NELL1: variants seen among roughly 807,000 people sequenced by gnomAD.
The protein encoded by NELL1 is protein kinase C-binding protein NELL1.
In NELL1, 76 loss-of-function variants were observed where a neutral mutation model predicts 107.4. The observed-to-expected ratio is 0.71, with a 90% CI of 0.59 to 0.86. The LOEUF (loss-of-function observed/expected upper bound fraction) is 0.86, where lower values mean the gene tolerates loss of function less well. Among genes scored for constraint, NELL1 ranks in the 40% least tolerant of loss-of-function variants. NELL1 has a pLI of 0.00. For synonymous variants in NELL1, 353 were observed against 341.2 expected, an observed-to-expected ratio of 1.03 and a Z score of -0.38; for missense variants, 1,024 against 1,005.5, an observed-to-expected ratio of 1.02 and a Z score of -0.25.
intron 9 of NELL1, among the ~76,000 whole-genome samples, chr11:20,931,877 G>A (rs1850625548): frequency 1.4e-5 from 2 of 143,480 alleles, no homozygotes; most frequent in African/African-American, 5.0e-5. Flanking sequence ...GACTTTAGGT[G>A]GGGTAGTATT....
At chr11:21,492,568 A>G (rs1257126652) in intron 15 of NELL1, among the ~76,000 whole-genome samples, 1 of 151,992 alleles carries the variant, frequency 6.6e-6, no homozygotes, top group Non-Finnish European at 1.5e-5. Context: ...ATGCAGCCAT[A>G]AAAAAGATGA....
At chr11:20,999,290 G>C (rs985726428) in intron 12 of NELL1, among the ~76,000 whole-genome samples, 2 of 152,060 alleles carry the variant, frequency 1.3e-5, no homozygotes, top group African/African-American at 4.8e-5. Context: ...TCTAAGATTT[G>C]GGACTCCATT....
chr11:21,417,074 C>T (rs1344405437), intron 15 of NELL1, among the ~76,000 whole-genome samples: 2 of 151,938 alleles, frequency 1.3e-5, no homozygotes, highest in Admixed American at 6.6e-5. Flanking sequence ...CTTCATGCAC[C>T]TAAACAGTAT....
At chr11:21,552,092 A>T (rs1477075592) in intron 16 of NELL1, among the ~76,000 whole-genome samples, 1 of 137,158 alleles carries the variant, frequency 7.3e-6, no homozygotes, top group African/African-American at 2.7e-5. Flanking sequence ...AACAATGAGA[A>T]CACATGGACA....
rs185334882 is a variant in NELL1 at position 20,724,819 on chromosome 11, T to C, written c.184+46759T>C. Among the ~76,000 whole-genome samples the C allele has an allele frequency of 5.8e-4, 89 of 152,320 alleles. No homozygotes were observed. In the East Asian group the frequency reaches 0.015, roughly 25 times the overall value. ...CCCCACTCTGCCGGTACCAATTATA[T>C]GTATTAGTCCATTCTTACACTGTTA... On this transcript the variant is annotated intron_variant, in intron 2 of 19. Coordinates refer to ENST00000357134, the MANE Select transcript of NELL1 (RefSeq NM_006157.5).
At chr11:20,985,785 A>G (rs562601255) in intron 12 of NELL1, among the ~76,000 whole-genome samples, 1 of 152,218 alleles carries the variant, frequency 6.6e-6, no homozygotes, top group Non-Finnish European at 1.5e-5. Context: ...CACAAGTCTT[A>G]TATAATTAGT....
At chr11:21,560,439 T>G (rs568831941) in intron 17 of NELL1, 57 bp downstream of exon 17, 2 of 1,456,978 alleles carry the variant, frequency 1.4e-6, no homozygotes, top group Admixed American at 5.0e-5. Context: ...CTTCCCTCAC[T>G]TTTCTACCTC....
At chr11:21,022,770 C>T (rs527939521) in intron 12 of NELL1, among the ~76,000 whole-genome samples, 3 of 152,174 alleles carry the variant, frequency 2.0e-5, no homozygotes, top group African/African-American at 7.2e-5. Flanking sequence ...AGATAATAAA[C>T]TGAACACAAA....
intron 4 of NELL1, among the ~76,000 whole-genome samples, chr11:20,877,072 GGTC>G (rs1488682034): frequency 1.3e-5 from 2 of 152,144 alleles, no homozygotes; most frequent in African/African-American, 4.8e-5. Context: ...TCATGTGCAA[GGTC>G]ACCCATTACC....
intron 19 of NELL1, among the ~76,000 whole-genome samples, chr11:21,574,605 G>A (rs1422911152): frequency 2.0e-5 from 3 of 151,746 alleles, no homozygotes; most frequent in Non-Finnish European, 4.4e-5. Context: ...CTTCTTAAAT[G>A]ACAAATTGCT....
chr11:21,392,861 A>G (rs552224327), intron 15 of NELL1, among the ~76,000 whole-genome samples: 37 of 151,912 alleles, frequency 2.4e-4, no homozygotes, highest in African/African-American at 7.5e-4. Context: ...GAAGTAGAGT[A>G]TTTATCTAAT....
chr11:21,334,034 C>G (rs755631981), intron 14 of NELL1, among the ~76,000 whole-genome samples: 1 of 152,020 alleles, frequency 6.6e-6, no homozygotes, highest in East Asian at 1.9e-4. Flanking sequence ...GGAGTTCATT[C>G]ATTTATTAAT....
chr11:21,357,119 C>A (rs371374215), intron 14 of NELL1, among the ~76,000 whole-genome samples: 5 of 152,220 alleles, frequency 3.3e-5, no homozygotes, highest in African/African-American at 4.8e-5. Flanking sequence ...AACATGTGTG[C>A]GCAGGTGTCT....
chr11:21,336,438 G>A (rs1244175449), intron 14 of NELL1, among the ~76,000 whole-genome samples: 1 of 151,846 alleles, frequency 6.6e-6, no homozygotes, highest in African/African-American at 2.4e-5. Flanking sequence ...ACCCAGTACT[G>A]TTCTATTCAG....
At chr11:21,479,011 T>C (rs1379179848) in intron 15 of NELL1, among the ~76,000 whole-genome samples, 1 of 152,124 alleles carries the variant, frequency 6.6e-6, no homozygotes, top group Non-Finnish European at 1.5e-5. Flanking sequence ...CCCAGTTAAA[T>C]GGCTTTTATC....
intron 12 of NELL1, among the ~76,000 whole-genome samples, chr11:21,084,186 A>C (rs1175928232): frequency 6.6e-6 from 1 of 152,202 alleles, no homozygotes; most frequent in African/African-American, 2.4e-5. Context: ...TGCAGATAAT[A>C]GTGATGCTAT....
chr11:21,256,337 A>G (rs1347889875), intron 14 of NELL1, among the ~76,000 whole-genome samples: 1 of 152,056 alleles, frequency 6.6e-6, no homozygotes. Context: ...CATTTAGTGG[A>G]TTTATTTCTG....
At chr11:21,047,121 A>C (rs75044941) in intron 12 of NELL1, among the ~76,000 whole-genome samples, 40 of 152,272 alleles carry the variant, frequency 2.6e-4, no homozygotes, top group African/African-American at 9.1e-4. Flanking sequence ...ATCCCTGATA[A>C]CATACCCATG....
At chr11:21,292,813 C>G (rs1168355581) in intron 14 of NELL1, among the ~76,000 whole-genome samples, 2 of 152,274 alleles carry the variant, frequency 1.3e-5, no homozygotes, top group African/African-American at 4.8e-5. Context: ...TTTGACAAAC[C>G]TGACATAAGC....
Sources: gnomAD v4.1 joint callset for allele counts (sites outside exome capture counted in the v4.1 genomes callset) on GRCh38, gnomAD v4.1.1 for gene constraint, MANE v1.5 for transcripts, NCBI Gene and HGNC (gene_info 2026-07-23, HGNC 2026-07-21) for gene names.